ATXN7L1: variants seen among roughly 807,000 people sequenced by gnomAD.
ATXN7L1 encodes ataxin 7 like 1.
A neutral mutation model predicts 70.8 loss-of-function variants in ATXN7L1; 15 were observed. The ratio of observed to expected loss-of-function variants is 0.21; its 90% CI spans 0.14 to 0.33. The LOEUF (loss-of-function observed/expected upper bound fraction) is 0.33. Among genes scored for constraint, ATXN7L1 ranks in the 10% least tolerant of loss-of-function variants. The pLI is 1.00. For missense variants in ATXN7L1, 975 were observed against 1,097.1 expected (o/e 0.89, Z 1.57); for synonymous variants, 440 against 445.1 (o/e 0.99, Z 0.14).
At chr7:105,704,074 T>A (rs963697517) in intron 3 of ATXN7L1, among the ~76,000 whole-genome samples, 2 of 152,210 alleles carry the variant, frequency 1.3e-5, no homozygotes, top group Non-Finnish European at 2.9e-5. Context: ...GGCAACTGTG[T>A]CCTACCAGAG....
intron 5 of ATXN7L1, among the ~76,000 whole-genome samples, chr7:105,641,139 T>C (rs1292325607): frequency 6.6e-6 from 1 of 150,952 alleles, no homozygotes; most frequent in African/African-American, 2.4e-5. Context: ...CCAAGACAGA[T>C]TCCCTGGCTG....
intron 3 of ATXN7L1, among the ~76,000 whole-genome samples, chr7:105,775,546 T>C (rs1584975201): frequency 6.6e-6 from 1 of 152,064 alleles, no homozygotes; most frequent in Non-Finnish European, 1.5e-5. Context: ...TAAAGAAAAT[T>C]GATGCAGAAT....
At chr7:105,612,663 G>A (rs1277851888) in intron 10 of ATXN7L1, among the ~76,000 whole-genome samples, 2 of 152,064 alleles carry the variant, frequency 1.3e-5, no homozygotes, top group Admixed American at 6.5e-5. Flanking sequence ...CCCTCAGCTC[G>A]AGCGAGAGGA....
chr7:105,619,140 G>GTTTTTTTTATTTTTTTTTT (rs1794388200), intron 9 of ATXN7L1, among the ~76,000 whole-genome samples: 1 of 49,844 alleles, frequency 2.0e-5, no homozygotes, highest in Admixed American at 4.0e-4. Flanking sequence ...GAAATCTTTA[G>GTTTTTTTTATTTTTTTTTT]TTTTTTTTTT....
chr7:105,788,661 C>A lies in ATXN7L1; in HGVS notation c.298G>T (p.Val100Leu). The change falls in exon 3 of 12, where the codon GTA (valine) becomes TTA (leucine). Residue 100 changes from valine (V) to leucine (L), a missense_variant. By Grantham distance (32) the Val-to-Leu change is conservative. This residue lies in a region of ATXN7L1 where 135 missense variants were observed against 132.6 expected (regional missense o/e 1.02). Transcript: ENST00000419735. ...HYPAHDDFYLVVCSACNQVVK... is the reference protein window; with the variant it reads ...HYPAHDDFYLLVCSACNQVVK... ...ACCTGGTTACAGGCACTGCACACTA[C>A]GAGATAGAAGTCGTCATGTGCTGGG... The A allele has an allele frequency of 6.2e-7, 1 of 1,613,964 alleles. No individual in the cohort carries two copies. Among genetic ancestry groups the A allele is most frequent in the Non-Finnish European group, 8.5e-7 (1 of 1,179,910 alleles).
chr7:105,715,074 A>G (rs1004554950), intron 3 of ATXN7L1, among the ~76,000 whole-genome samples: 1 of 152,152 alleles, frequency 6.6e-6, no homozygotes, highest in South Asian at 2.1e-4. Context: ...TGGGTCCTGG[A>G]TGCCACACAG....
chr7:105,642,701 T>C, intron 5 of ATXN7L1, 137 bp downstream of exon 5: 1 of 1,115,288 alleles, frequency 9.0e-7, no homozygotes, highest in Non-Finnish European at 1.3e-6. Flanking sequence ...GTGGGGTTCC[T>C]GTTTGCAGGT....
chr7:105,872,080 C>T (rs1401142612), intron 2 of ATXN7L1, among the ~76,000 whole-genome samples: 1 of 151,976 alleles, frequency 6.6e-6, no homozygotes, highest in African/African-American at 2.4e-5. Flanking sequence ...GCAAGCTCCG[C>T]CTCCCGGGTT....
intron 3 of ATXN7L1, among the ~76,000 whole-genome samples, chr7:105,734,343 C>G (rs182038228): frequency 1.4e-4 from 21 of 152,270 alleles, no homozygotes; most frequent in African/African-American, 5.1e-4. Context: ...CAAAAAAACC[C>G]AACTACAGTC....
intron 2 of ATXN7L1, among the ~76,000 whole-genome samples, chr7:105,872,079 G>C (rs1302624060): frequency 6.6e-6 from 1 of 151,274 alleles, no homozygotes; most frequent in African/African-American, 2.4e-5. Flanking sequence ...TGCAAGCTCC[G>C]CCTCCCGGGT....
chr7:105,757,035 G>T (rs912712219), intron 3 of ATXN7L1, among the ~76,000 whole-genome samples: 2 of 152,110 alleles, frequency 1.3e-5, no homozygotes, highest in African/African-American at 2.4e-5. Flanking sequence ...ACACCCAACA[G>T]ACTACAAATA....
chr7:105,658,000 T>A (rs1800949534), intron 4 of ATXN7L1, among the ~76,000 whole-genome samples: 1 of 152,174 alleles, frequency 6.6e-6, no homozygotes, highest in South Asian at 2.1e-4. Context: ...TTTGAAGACT[T>A]ATGAAAAGAA....
intron 3 of ATXN7L1, 66 bp from the exon 4 acceptor site, chr7:105,665,354 C>T (rs1239400499): frequency 7.7e-7 from 1 of 1,294,826 alleles, no homozygotes; most frequent in Non-Finnish European, 1.1e-6. Flanking sequence ...CACACACTCA[C>T]ATACACTCAA....
At chr7:105,625,328 G>A (rs1795538850) in intron 7 of ATXN7L1, among the ~76,000 whole-genome samples, 1 of 151,956 alleles carries the variant, frequency 6.6e-6, no homozygotes, top group Non-Finnish European at 1.5e-5. Flanking sequence ...TCGGCTCACT[G>A]CAACCTCTGC....
intron 2 of ATXN7L1, among the ~76,000 whole-genome samples, chr7:105,822,391 A>G (rs898592212): frequency 2.0e-5 from 3 of 152,176 alleles, no homozygotes; most frequent in African/African-American, 7.2e-5. Flanking sequence ...TTTGGGCTTG[A>G]GTTGCTTTGT....
intron 3 of ATXN7L1, chr7:105,691,658 T>TAAAAAAAAAAA (rs34303034): frequency 9.0e-6 from 1 of 110,940 alleles, no homozygotes; most frequent in African/African-American, 3.5e-5. Flanking sequence ...CGGATGTCAG[T>TAAAAAAAAAAA]AAAAAAAAAA....
intron 3 of ATXN7L1, among the ~76,000 whole-genome samples, chr7:105,700,645 T>TG (rs1397449401): frequency 6.6e-6 from 1 of 152,070 alleles, no homozygotes; most frequent in Non-Finnish European, 1.5e-5. Context: ...TGCAACGATG[T>TG]GATACCTTGG....
At chr7:105,761,176 C>A in intron 3 of ATXN7L1, 1 of 1,307,322 alleles carries the variant, frequency 7.6e-7, no homozygotes, top group Non-Finnish European at 9.7e-7. Flanking sequence ...GAGAAGAACC[C>A]CACAGGTACC....
rs536460943 is a variant in ATXN7L1 at position 105,736,183 on chromosome 7, G to A, written c.355+52421C>T. Among the ~76,000 whole-genome samples the A allele has an allele frequency of 3.3e-5, 5 of 152,334 alleles. No individual in the cohort carries two copies. The South Asian group carries it at 1.0e-3, about 32-fold the overall frequency. Reference sequence around the variant, plus strand: ...GTGATGAGGCTTCAGTCACCGAGTGGCAACAGTCCTATCCATATTGGGGCT... The same window carrying A: ...GTGATGAGGCTTCAGTCACCGAGTGACAACAGTCCTATCCATATTGGGGCT... On this transcript the variant is annotated intron_variant, in intron 3 of 11. Coordinates refer to ENST00000419735, the MANE Select transcript of ATXN7L1 (RefSeq NM_020725.2).
Sources: allele counts gnomAD v4.1 joint callset (sites outside exome capture counted in the v4.1 genomes callset), GRCh38; gene constraint gnomAD v4.1.1; regional missense constraint gnomAD v4.1.1; transcripts MANE v1.5; gene names NCBI Gene and HGNC (gene_info 2026-07-23, HGNC 2026-07-21).